The following MPP7 variants were observed in gnomAD, a reference collection of about 807,000 sequenced individuals.
The protein encoded by MPP7 is MAGUK p55 scaffold protein 7.
A neutral mutation model predicts 76.5 loss-of-function variants in MPP7; 60 were observed. The observed-to-expected ratio is 0.78, with a 90% CI of 0.64 to 0.97. The LOEUF is 0.97. Ranked by LOEUF, MPP7 falls within the 50% of genes least tolerant of loss-of-function variation. MPP7 has a pLI of 0.00. For missense variants in MPP7, 641 were observed against 694.0 expected, an observed-to-expected ratio of 0.92 and a Z score of 0.86; for synonymous variants, 237 against 244.5, an observed-to-expected ratio of 0.97 and a Z score of 0.29.
chr10:28,204,127 G>A (rs576308132), intron 2 of MPP7, among the ~76,000 whole-genome samples: 1 of 152,244 alleles, frequency 6.6e-6, no homozygotes, highest in East Asian at 1.9e-4. Context: ...AAAAACAAAT[G>A]GTAACCTACA....
chr10:28,221,165 C>T (rs1202894765), intron 2 of MPP7, among the ~76,000 whole-genome samples: 3 of 152,062 alleles, frequency 2.0e-5, no homozygotes, highest in Non-Finnish European at 4.4e-5. Flanking sequence ...GTCCTTCCAC[C>T]GTGAATTTTA....
intron 1 of MPP7, among the ~76,000 whole-genome samples, chr10:28,262,209 A>ATATATATATATACG (rs1839985534): frequency 1.6e-4 from 2 of 12,254 alleles, no homozygotes; most frequent in African/African-American, 3.1e-4. Flanking sequence ...ATATATATAC[A>ATATATATATATACG]TATATATATA....
chr10:28,291,820 A>C (rs891554289), intron 1 of MPP7, among the ~76,000 whole-genome samples: 1 of 152,222 alleles, frequency 6.6e-6, no homozygotes, highest in African/African-American at 2.4e-5. Context: ...TAAGTTTATC[A>C]GGCAAAAAAG....
chr10:28,085,340 A>G (rs917150599), intron 12 of MPP7, among the ~76,000 whole-genome samples: 1 of 152,216 alleles, frequency 6.6e-6, no homozygotes, highest in East Asian at 1.9e-4. Flanking sequence ...TGAGGACTGA[A>G]GGAATACACT....
chr10:28,207,851 C>A (rs1837999594), intron 2 of MPP7, among the ~76,000 whole-genome samples: 1 of 152,066 alleles, frequency 6.6e-6, no homozygotes, highest in Non-Finnish European at 1.5e-5. Context: ...TCACATAAAT[C>A]TATAGATTTT....
chr10:28,282,816 C>G (rs576527064), intron 1 of MPP7, among the ~76,000 whole-genome samples: 2 of 152,000 alleles, frequency 1.3e-5, no homozygotes, highest in African/African-American at 4.8e-5. Flanking sequence ...GTGACCTCCT[C>G]CCAACCTGAC....
At chr10:28,137,796 T>A (rs1835394434) in intron 5 of MPP7, among the ~76,000 whole-genome samples, 1 of 152,154 alleles carries the variant, frequency 6.6e-6, no homozygotes, top group South Asian at 2.1e-4. Context: ...TCACAACTGA[T>A]GGGTTTACCT....
chr10:28,265,068 C>G (rs976644584), intron 1 of MPP7, among the ~76,000 whole-genome samples: 1 of 152,134 alleles, frequency 6.6e-6, no homozygotes, highest in African/African-American at 2.4e-5. Context: ...ATGCACCTCC[C>G]ATTGAGGAAG....
chr10:28,067,808 G>A (rs190153473), intron 13 of MPP7, among the ~76,000 whole-genome samples: 1 of 152,268 alleles, frequency 6.6e-6, no homozygotes, highest in East Asian at 1.9e-4. Context: ...AACAAAGATA[G>A]TCTGTAGTTT....
intron 7 of MPP7, 71 bp from the exon 8 acceptor site, chr10:28,124,187 A>G (rs189974281): frequency 5.7e-5 from 57 of 1,004,062 alleles, no homozygotes; most frequent in South Asian, 1.9e-4. Flanking sequence ...AGCTGTTTCC[A>G]TAAGTAAAGC....
chr10:28,253,242 A>G (rs1839674058), intron 1 of MPP7, among the ~76,000 whole-genome samples: 1 of 152,130 alleles, frequency 6.6e-6, no homozygotes, highest in African/African-American at 2.4e-5. Flanking sequence ...ATGGTTTTTG[A>G]TTCTTGGTAA....
intron 2 of MPP7, 113 bp downstream of exon 2, chr10:28,238,455 T>C (rs1464235161): frequency 8.8e-7 from 1 of 1,131,084 alleles, no homozygotes; most frequent in Admixed American, 1.9e-5. Context: ...CTAGTGTTGG[T>C]GACAGAAAAA....
At chr10:28,122,977 C>T (rs1834892497) in intron 8 of MPP7, among the ~76,000 whole-genome samples, 1 of 150,570 alleles carries the variant, frequency 6.6e-6, no homozygotes, top group Non-Finnish European at 1.5e-5. Flanking sequence ...GTTTTTTTTG[C>T]ACTTATTTAA....
chr10:28,165,011 T>C (rs1166146454), intron 3 of MPP7, among the ~76,000 whole-genome samples: 2 of 152,148 alleles, frequency 1.3e-5, no homozygotes, highest in African/African-American at 4.8e-5. Context: ...AACACAATAA[T>C]GGCATTTTGA....
intron 2 of MPP7, among the ~76,000 whole-genome samples, chr10:28,235,870 A>G (rs949123443): frequency 6.6e-6 from 1 of 152,222 alleles, no homozygotes; most frequent in African/African-American, 2.4e-5. Context: ...TTCAACCTAT[A>G]ATGGCTCAAA....
At chr10:28,192,312 C>G (rs1413584214) in intron 3 of MPP7, among the ~76,000 whole-genome samples, 7 of 152,066 alleles carry the variant, frequency 4.6e-5, no homozygotes, top group African/African-American at 1.7e-4. Context: ...AAGATATATA[C>G]AGATTGAGAA....
intron 3 of MPP7, among the ~76,000 whole-genome samples, chr10:28,193,887 A>C (rs1837494762): frequency 1.3e-5 from 2 of 152,160 alleles, no homozygotes; most frequent in Non-Finnish European, 2.9e-5. Flanking sequence ...ATTAAAAAAA[A>C]AAAAAAAATG....
intron 1 of MPP7, among the ~76,000 whole-genome samples, chr10:28,239,798 A>G (rs1839206240): frequency 6.6e-6 from 1 of 152,228 alleles, no homozygotes; most frequent in South Asian, 2.1e-4. Flanking sequence ...TAGTTCTGTG[A>G]TCTTCAACAA....
At chr10:28,073,174 T>C (rs551162163) in intron 12 of MPP7, among the ~76,000 whole-genome samples, 15 of 152,202 alleles carry the variant, frequency 9.9e-5, no homozygotes, top group Non-Finnish European at 1.8e-4. Context: ...GGGAGCCTCC[T>C]GGTCACTTCT....
Sources: gnomAD v4.1 joint callset for allele counts (sites outside exome capture counted in the v4.1 genomes callset) on GRCh38, gnomAD v4.1.1 for gene constraint, MANE v1.5 for transcripts, NCBI Gene and HGNC (gene_info 2026-07-23, HGNC 2026-07-21) for gene names.